The following BZW2 variants were observed in gnomAD, a reference collection of about 807,000 sequenced individuals.
BZW2 encodes basic leucine zipper and W2 domains 2, also known as eIF5-mimic protein 1.
A neutral mutation model predicts 53.2 loss-of-function variants in BZW2; 23 were observed. The observed-to-expected ratio is 0.43, with a 90% CI of 0.31 to 0.61. BZW2 has a LOEUF of 0.61. BZW2 is among the 20% of genes least tolerant of loss of function. BZW2 has a pLI of 0.09. For missense variants in BZW2, 409 were observed against 503.1 expected (o/e 0.81, Z 1.79); for synonymous variants, 227 against 186.4 (o/e 1.22, Z -1.77).
Position 16,692,840 on chromosome 7 carries a change from A to G in BZW2, c.652-1994A>G, listed in dbSNP as rs2084675784. ...GTGGGCTGTAACTTTCAGTGGTGGAAAGCCCTCTGTGATAAGATGACATTG... is the reference window on the plus strand; with the variant it reads ...GTGGGCTGTAACTTTCAGTGGTGGAGAGCCCTCTGTGATAAGATGACATTG... On this transcript the variant is annotated intron_variant, in intron 7 of 11. Coordinates refer to ENST00000258761, the MANE Select transcript of BZW2 (RefSeq NM_014038.3). Among the ~76,000 whole-genome samples, 4 of 152,188 alleles carry G rather than the reference A, an allele frequency of 2.6e-5. No individual in the cohort carries two copies. In the South Asian group the frequency reaches 8.3e-4, roughly 32 times the overall value.
In BZW2 at chr7:16,687,420, A is replaced by G. The variant is rs1783159606; in HGVS notation, c.541+1380A>G. On this transcript the variant is annotated intron_variant, in intron 6 of 11. Coordinates refer to ENST00000258761, the MANE Select transcript of BZW2 (RefSeq NM_014038.3). ...TTTAAACCCTTGCTTCCTAATTGGA[A>G]AAGGATTAAGAAAATGCTGGGTATG... 2.0e-5 allele frequency: 3 copies of G among 152,210 alleles called. No individual in the cohort carries two copies. In the South Asian group the frequency reaches 6.2e-4, roughly 32 times the overall value. 9.4% of individuals were successfully genotyped at this position (152,210 alleles called of 1,614,324 possible).
At chr7:16,674,628 A>T (rs1420363230) in intron 3 of BZW2, 40 bp downstream of exon 3, 1 of 1,416,832 alleles carries the variant, frequency 7.1e-7, no homozygotes, top group African/African-American at 1.4e-5. Flanking sequence ...ATATTTATAT[A>T]TTTTTAATTC....
chr7:16,706,104 C>T lies in BZW2; in HGVS notation c.*16C>T, dbSNP rs1783847595. On this transcript the variant is annotated 3_prime_UTR_variant, in exon 12 of 12. Coordinates refer to ENST00000258761, the MANE Select transcript of BZW2 (RefSeq NM_014038.3). Reference sequence around the variant, plus strand: ...GGAAAATTAAATGGCTCAACAAGCACAATACCTAGGTTACCACACACCACT... The same window carrying T: ...GGAAAATTAAATGGCTCAACAAGCATAATACCTAGGTTACCACACACCACT... 1 of 1,612,360 alleles carries T rather than the reference C, an allele frequency of 6.2e-7. No homozygotes were observed. Among genetic ancestry groups the T allele is most frequent in the Admixed American group, 1.7e-5 (1 of 59,876 alleles).
chr7:16,669,251 G>T (rs896252688), intron 2 of BZW2, among the ~76,000 whole-genome samples: 1 of 152,110 alleles, frequency 6.6e-6, no homozygotes, highest in Non-Finnish European at 1.5e-5. Flanking sequence ...TCAACCTCCC[G>T]AGTAGCTGGG....
intron 2 of BZW2, among the ~76,000 whole-genome samples, chr7:16,670,331 G>T (rs1283676759): frequency 2.0e-5 from 3 of 152,100 alleles, no homozygotes; most frequent in African/African-American, 7.2e-5. Context: ...GTCTTACATT[G>T]AAAACAAAGT....
chr7:16,688,052 CT>C (rs1258988723), intron 6 of BZW2, among the ~76,000 whole-genome samples: 1 of 149,386 alleles, frequency 6.7e-6, no homozygotes, highest in Non-Finnish European at 1.5e-5. Flanking sequence ...AACTTAGTTT[CT>C]TTGCTTATTC....
intron 6 of BZW2, among the ~76,000 whole-genome samples, chr7:16,688,985 G>T (rs2128365220): frequency 6.6e-6 from 1 of 152,242 alleles, no homozygotes; most frequent in African/African-American, 2.4e-5. Context: ...CAGCAATTTG[G>T]GAGGCCAAGG....
chr7:16,688,768 G>T (rs1479193833), intron 6 of BZW2, among the ~76,000 whole-genome samples: 1 of 152,104 alleles, frequency 6.6e-6, no homozygotes, highest in Non-Finnish European at 1.5e-5. Context: ...CTTGTTATCT[G>T]ATTATTTCTA....
intron 7 of BZW2, among the ~76,000 whole-genome samples, chr7:16,694,609 G>A (rs1301685709): frequency 6.6e-6 from 1 of 152,156 alleles, no homozygotes; most frequent in Non-Finnish European, 1.5e-5. Flanking sequence ...TAGGGTCCAA[G>A]TTTATCTCAA....
intron 1 of BZW2, among the ~76,000 whole-genome samples, chr7:16,663,149 A>C (rs1309037405): frequency 1.3e-5 from 2 of 152,208 alleles, no homozygotes; most frequent in African/African-American, 4.8e-5. Flanking sequence ...CCATCAAATG[A>C]AATGGGAATT....
chr7:16,679,498 A>G (rs1209842426), intron 3 of BZW2, among the ~76,000 whole-genome samples: 1 of 152,256 alleles, frequency 6.6e-6, no homozygotes, highest in Non-Finnish European at 1.5e-5. Flanking sequence ...AAACTAATTT[A>G]CTTACTAAAC....
In BZW2 at chr7:16,681,319, T is replaced by A; in HGVS notation, c.254T>A (p.Ile85Lys). 1 of 1,613,990 alleles carries A rather than the reference T, an allele frequency of 6.2e-7. No homozygotes were observed. The highest frequency in any genetic ancestry group is 8.5e-7 in the Non-Finnish European group (1 of 1,179,898). Reference sequence around the variant, plus strand: ...TTTTTAGCCCCTGGAGGAACGCGCATAGATGATGGTGACAAGACCAAGATG... The same window carrying A: ...TTTTTAGCCCCTGGAGGAACGCGCAAAGATGATGGTGACAAGACCAAGATG... ...GSMLAPGGTR[I>K]DDGDKTKMTN... is the part of the protein sequence containing the mutation. Residue 85 changes from isoleucine (I) to lysine (K), a missense_variant, in exon 4 of 12, where the codon ATA becomes AAA. By Grantham distance (102) the Ile-to-Lys change is moderately radical (BLOSUM62 -3). This residue lies in a region of BZW2 where 316 missense variants were observed against 366.8 expected (regional missense o/e 0.86). Transcript: ENST00000258761.
At position 16,686,228 on chromosome 7, in the gene BZW2, G is replaced by T. The variant is rs190325318; in HGVS notation, c.541+188G>T. 1.0e-4 allele frequency: 89 copies of T among 882,682 alleles called. No homozygotes were observed. In the Admixed American group the frequency reaches 1.5e-3, roughly 15 times the overall value. The allele number at this position is 882,682 out of a possible 1,614,324, so 54.7% of individuals were successfully genotyped here. The stretch of plus-strand genomic sequence containing the variant: ...GGAGTGGACTTGTTAATTGTAGGAA[G>T]TTTGAAGGAAAAAATATGCACACCT... On this transcript the variant is annotated intron_variant, in intron 6 of 11. Coordinates refer to ENST00000258761, the MANE Select transcript of BZW2 (RefSeq NM_014038.3).
At chr7:16,692,519 T>A (rs1783341975) in intron 7 of BZW2, among the ~76,000 whole-genome samples, 1 of 152,090 alleles carries the variant, frequency 6.6e-6, no homozygotes, top group African/African-American at 2.4e-5. Flanking sequence ...TCCCAGCACC[T>A]CAGGAGGCTG....
intron 7 of BZW2, 96 bp from the exon 8 acceptor site, chr7:16,694,738 A>G (rs1392152999): frequency 9.8e-7 from 1 of 1,018,250 alleles, no homozygotes; most frequent in Non-Finnish European, 1.4e-6. Flanking sequence ...TTTCTTCCAA[A>G]TGTGAGATAT....
intron 3 of BZW2, among the ~76,000 whole-genome samples, chr7:16,677,274 C>G (rs1782795588): frequency 6.6e-6 from 1 of 152,086 alleles, no homozygotes; most frequent in Admixed American, 6.6e-5. Context: ...TCTTTACTAC[C>G]TGATTGGTCG....
intron 11 of BZW2, among the ~76,000 whole-genome samples, chr7:16,705,500 A>G (rs1269494578): frequency 6.6e-6 from 1 of 152,080 alleles, no homozygotes; most frequent in Non-Finnish European, 1.5e-5. Context: ...CTTGCCTAAC[A>G]CAGTGAAACC....
intron 8 of BZW2, among the ~76,000 whole-genome samples, chr7:16,696,233 ATT>A (rs1348859217): frequency 3.3e-5 from 5 of 152,182 alleles, no homozygotes; most frequent in African/African-American, 1.2e-4. Context: ...TCTATTTATT[ATT>A]TTATTTTAAA....
At chr7:16,686,892 A>G (rs1354534466) in intron 6 of BZW2, 1 of 152,214 alleles carries the variant, frequency 6.6e-6, no homozygotes, top group Non-Finnish European at 1.5e-5. Context: ...CAGATTTATG[A>G]CAATTCAGAC....
Sources: allele counts gnomAD v4.1 joint callset (sites outside exome capture counted in the v4.1 genomes callset), GRCh38; gene constraint gnomAD v4.1.1; regional missense constraint gnomAD v4.1.1; transcripts MANE v1.5; gene names NCBI Gene and HGNC (gene_info 2026-07-23, HGNC 2026-07-21).